CEP162: variants seen among roughly 807,000 people sequenced by gnomAD.
CEP162 encodes centrosomal protein 162.
CEP162 carries 141 observed loss-of-function variants against 169.2 expected under a neutral mutation model. That is an observed-to-expected ratio of 0.83 (90% CI 0.73 to 0.96). The LOEUF (loss-of-function observed/expected upper bound fraction) is 0.96. CEP162 is among the 40% of genes least tolerant of loss of function. The pLI, the probability that CEP162 is intolerant of heterozygous loss-of-function variation, is 0.00. For synonymous variants in CEP162, 540 were observed against 526.4 expected (o/e 1.03, Z -0.35); for missense variants, 1,600 against 1,587.2 (o/e 1.01, Z -0.14).
At position 84,125,169 on chromosome 6, in the gene CEP162, T is replaced by C. The variant is rs150824719; in HGVS notation, c.4113A>G (p.Thr1371=). The C allele has an allele frequency of 5.6e-6, 9 of 1,613,622 alleles. No homozygotes were observed. In the East Asian group the frequency reaches 1.1e-4, roughly 20 times the overall value. Residue 1371 remains threonine, a synonymous_variant, in exon 27 of 27, where the codon ACA becomes ACG. Coordinates refer to ENST00000403245, the MANE Select transcript of CEP162 (RefSeq NM_014895.4). The stretch of plus-strand genomic sequence containing the variant: ...GAACATCTAATATTGAGTCTAGTTC[T>C]GTGCGGAACTTCTCCAGCTCACGAT... ...LKNRELEKFR[T]ELDSILDVLR...
At chr6:84,143,444 A>G (rs987158618) in intron 25 of CEP162, among the ~76,000 whole-genome samples, 2 of 152,054 alleles carry the variant, frequency 1.3e-5, no homozygotes, top group Admixed American at 6.6e-5. Context: ...ACAACTTTGT[A>G]TGCAAAATAT....
chr6:84,203,287 A>C (rs1451685932), intron 7 of CEP162, among the ~76,000 whole-genome samples: 1 of 152,222 alleles, frequency 6.6e-6, no homozygotes, highest in Non-Finnish European at 1.5e-5. Flanking sequence ...TGTGACTAGC[A>C]TAATTATTAG....
chr6:84,220,917 T>C (rs2099553481), intron 3 of CEP162, 140 bp downstream of exon 3: 1 of 508,706 alleles, frequency 2.0e-6, no homozygotes, highest in Non-Finnish European at 3.5e-6. Flanking sequence ...ACTGGTTATA[T>C]GAAAATCAAT....
At chr6:84,150,073 C>T (rs1683916411) in intron 23 of CEP162, among the ~76,000 whole-genome samples, 1 of 152,140 alleles carries the variant, frequency 6.6e-6, no homozygotes, top group African/African-American at 2.4e-5. Flanking sequence ...AAAATCACAG[C>T]TGTTCCCTTT....
Position 84,161,921 on chromosome 6 carries a change from A to G in CEP162, c.2513-12T>C, listed in dbSNP as rs201569896. The G allele has an allele frequency of 1.4e-6, 2 of 1,443,754 alleles. No individual in the cohort carries two copies. Among genetic ancestry groups the G allele is most frequent in the Non-Finnish European group, 1.9e-6 (2 of 1,054,066 alleles). 89.4% of individuals were successfully genotyped at this position (1,443,754 alleles called of 1,614,324 possible). A position where few individuals can be genotyped will look rare whatever the true frequency, so the allele number is the denominator to read the frequency against. On this transcript the variant is annotated splice_polypyrimidine_tract_variant and intron_variant, in intron 19 of 26. Transcript: ENST00000403245. ...ATATAATTTCTCACCTATAAGATAC[A>G]GTAACTCAATAACCTGCTTGTTGTT... is the stretch of plus-strand genomic sequence containing the variant.
intron 3 of CEP162, among the ~76,000 whole-genome samples, chr6:84,218,168 GAAGA>G (rs1405505158): frequency 1.3e-5 from 2 of 152,190 alleles, no homozygotes; most frequent in African/African-American, 4.8e-5. Flanking sequence ...GCTAAGATGT[GAAGA>G]AAGACCAGGA....
intron 10 of CEP162, 129 bp downstream of exon 10, chr6:84,194,755 A>T: frequency 2.5e-6 from 2 of 793,136 alleles, no homozygotes; most frequent in South Asian, 3.8e-5. Context: ...CCTGGCTGAA[A>T]AAATTTCTTT....
intron 10 of CEP162, 47 bp from the exon 11 acceptor site, chr6:84,193,737 G>A: frequency 1.7e-6 from 2 of 1,210,736 alleles, no homozygotes; most frequent in Non-Finnish European, 2.3e-6. Context: ...TATGTAGGTT[G>A]CTTAATTTAC....
intron 25 of CEP162, among the ~76,000 whole-genome samples, chr6:84,142,679 C>G (rs2099517160): frequency 6.6e-6 from 1 of 152,116 alleles, no homozygotes. Flanking sequence ...ATAATGCAGA[C>G]ATACAACCCT....
chr6:84,156,613 T>C (rs1219733434), intron 21 of CEP162, among the ~76,000 whole-genome samples: 1 of 152,080 alleles, frequency 6.6e-6, no homozygotes, highest in Admixed American at 6.6e-5. Context: ...GTGTACACTG[T>C]TGGTGGGAGT....
chr6:84,133,929 T>C (rs1435903950), intron 25 of CEP162, among the ~76,000 whole-genome samples: 1 of 152,114 alleles, frequency 6.6e-6, no homozygotes, highest in Non-Finnish European at 1.5e-5. Context: ...AAATCACCCA[T>C]CTTATGAGTC....
intron 23 of CEP162, among the ~76,000 whole-genome samples, chr6:84,150,984 G>A (rs2099520864): frequency 1.3e-5 from 2 of 152,106 alleles, no homozygotes; most frequent in Admixed American, 1.3e-4. Context: ...TCCTTTCTTG[G>A]TACATATTAG....
intron 18 of CEP162, among the ~76,000 whole-genome samples, chr6:84,168,276 A>G (rs986324959): frequency 6.6e-6 from 1 of 152,156 alleles, no homozygotes; most frequent in Non-Finnish European, 1.5e-5. Flanking sequence ...GGGTCGTCCA[A>G]TAATTCATTT....
chr6:84,207,353 T>A (rs2099547594), intron 6 of CEP162, among the ~76,000 whole-genome samples: 1 of 151,966 alleles, frequency 6.6e-6, no homozygotes. Flanking sequence ...ATTAAGAAAA[T>A]GTGGCAAATA....
rs377424899 is a variant in CEP162 at position 84,161,773 on chromosome 6, A to G, written c.2649T>C (p.Asn883=). Residue 883 remains asparagine, a synonymous_variant, in exon 20 of 27, where the codon AAT becomes AAC. Transcript: ENST00000403245. The stretch of plus-strand genomic sequence containing the variant: ...CAAGTTTGAGCTTCTCAATTTCCTC[A>G]TTTGCTTCTCTAAGCCGAAGTGCAT... The part of the protein sequence containing the change: ...DKDALRLREA[N]EEIEKLKLEI... 38 of 1,596,752 alleles carry G rather than the reference A, an allele frequency of 2.4e-5. No homozygotes were observed. The highest frequency in any genetic ancestry group is 5.4e-5 in the African/African-American group (4 of 74,562).
chr6:84,161,370 G>A (rs1201350690), intron 20 of CEP162, among the ~76,000 whole-genome samples: 1 of 152,056 alleles, frequency 6.6e-6, no homozygotes, highest in African/African-American at 2.4e-5. Context: ...CAAGGAGTAC[G>A]AGTGAGACAA....
intron 25 of CEP162, among the ~76,000 whole-genome samples, chr6:84,129,920 G>C (rs1338484842): frequency 1.3e-5 from 2 of 152,286 alleles, no homozygotes; most frequent in Admixed American, 6.5e-5. Flanking sequence ...AGTGGTGAGA[G>C]AGGGCATCCT....
At chr6:84,133,311 G>C (rs1326673636) in intron 25 of CEP162, among the ~76,000 whole-genome samples, 1 of 152,180 alleles carries the variant, frequency 6.6e-6, no homozygotes, top group Non-Finnish European at 1.5e-5. Context: ...AAGTGTCAGG[G>C]ACCCACTTGA....
chr6:84,153,106 C>T lies in CEP162; in HGVS notation c.3068G>A (p.Arg1023Lys), dbSNP rs1350593404. ...AAGTTCCTTCTCTAGGGCTTTAATT[C>T]TGGGAGAGTCATGTTGATTCAATTT... ...ACKLNQHDSPRIKALEKELDD... is the reference protein window; with the variant it reads ...ACKLNQHDSPKIKALEKELDD... The change falls in exon 23 of 27, where the codon AGA (arginine) becomes AAA (lysine). Residue 1023 changes from arginine (R) to lysine (K), a missense_variant. Coordinates refer to ENST00000403245, the MANE Select transcript of CEP162 (RefSeq NM_014895.4). The T allele has an allele frequency of 1.9e-6, 3 of 1,612,786 alleles. No homozygotes were observed. The South Asian group carries it at 3.3e-5, about 18-fold the overall frequency.
Sources: gnomAD v4.1 joint callset for allele counts (sites outside exome capture counted in the v4.1 genomes callset) on GRCh38, gnomAD v4.1.1 for gene constraint, MANE v1.5 for transcripts, NCBI Gene and HGNC (gene_info 2026-07-23, HGNC 2026-07-21) for gene names.